Variants in NOTCH2NLA observed in about 807,000 individuals in gnomAD.
The protein encoded by NOTCH2NLA is notch homolog 2 N-terminal-like protein A.
At chr1:146,158,042 G>A (rs1553803258) in intron 3 of NOTCH2NLA, among the ~76,000 whole-genome samples, 1 of 144,968 alleles carries the variant, frequency 6.9e-6, no homozygotes, top group African/African-American at 2.5e-5. Flanking sequence ...GAGGCAGAAA[G>A]AGAAAGAGAA....
intron 1 of NOTCH2NLA, chr1:146,228,359 C>T (rs1664309104): frequency 1.0e-6 from 1 of 981,992 alleles, no homozygotes; most frequent in Admixed American, 6.2e-5. Flanking sequence ...AACGCGGAAC[C>T]TGAAGGGCAA....
At chr1:146,155,330 AAATG>A (rs1216665233), downstream of NOTCH2NLA, 4 of 19,470 alleles carry the variant, frequency 2.1e-4, no homozygotes, top group African/African-American at 3.9e-4. Context: ...TTACCAAATG[AAATG>A]AATAAATTAC....
At chr1:146,228,723 G>A (rs782724090) in exon 1 of NOTCH2NLA, 7 of 1,558,752 alleles carry the variant, frequency 4.5e-6, no homozygotes, top group Non-Finnish European at 6.0e-6. Flanking sequence ...CGCGGGGGTC[G>A]CGCAGCACAG....
intron 3 of NOTCH2NLA, among the ~76,000 whole-genome samples, chr1:146,162,425 T>C (rs1460547948): frequency 1.4e-5 from 2 of 146,330 alleles, no homozygotes; most frequent in African/African-American, 2.6e-5. Context: ...CTTGATTGAA[T>C]TGAAGGATAC....
chr1:146,228,836 T>C lies in NOTCH2NLA; in HGVS notation c.-172A>G. 6.6e-7 allele frequency: 1 copy of C among 1,515,804 alleles called. No homozygotes were observed. Among genetic ancestry groups the C allele is most frequent in the Non-Finnish European group, 8.8e-7 (1 of 1,140,914 alleles). 93.9% of individuals were successfully genotyped at this position (1,515,804 alleles called of 1,614,324 possible). On this transcript the variant is annotated 5_prime_UTR_variant, in exon 1 of 5. An upstream start codon of the reference 5' UTR is lost. Coordinates refer to ENST00000362074, the Ensembl canonical transcript of NOTCH2NLA. ...CCGCGGCCGCCTGGGCAGATCCACA[T>C]GGGGAGGGGGTCCCGATAGAGGAGC...
chr1:146,204,023 GT>G (rs1663495443), intron 1 of NOTCH2NLA, among the ~76,000 whole-genome samples: 2 of 151,466 alleles, frequency 1.3e-5, no homozygotes, highest in African/African-American at 4.9e-5. Flanking sequence ...TTAAAATAAA[GT>G]TTTAAACTAT....
downstream of NOTCH2NLA, among the ~76,000 whole-genome samples, chr1:146,151,317 C>CAAAAAAAAAA (rs1159670389): frequency 1.3e-4 from 2 of 15,900 alleles, no homozygotes; most frequent in South Asian, 2.5e-3. Context: ...TGCTCCGTCT[C>CAAAAAAAAAA]AAAAAAAAAA....
intron 3 of NOTCH2NLA, among the ~76,000 whole-genome samples, chr1:146,159,379 AAGAGAGAAAG>A (rs1170343643): frequency 4.9e-5 from 7 of 142,220 alleles, no homozygotes; most frequent in African/African-American, 1.0e-4. Flanking sequence ...AAGAGAGAGG[AAGAGAGAAAG>A]AGAGAGAAAG....
chr1:146,185,599 C>G (rs1158975497), intron 2 of NOTCH2NLA, among the ~76,000 whole-genome samples: 2 of 134,144 alleles, frequency 1.5e-5, no homozygotes, highest in African/African-American at 5.0e-5. Context: ...TCAATGTGAT[C>G]TTATCAAGGA....
At chr1:146,180,837 AC>A (rs1662514889) in intron 2 of NOTCH2NLA, among the ~76,000 whole-genome samples, 1 of 119,854 alleles carries the variant, frequency 8.3e-6, no homozygotes, top group Admixed American at 9.0e-5. Context: ...TTAGATGATT[AC>A]TTTTTCTCAT....
intron 1 of NOTCH2NLA, among the ~76,000 whole-genome samples, chr1:146,224,206 A>C (rs1571348400): frequency 1.7e-5 from 2 of 121,188 alleles, no homozygotes. Context: ...ATCTCAAAAA[A>C]AATTATCAAA....
At chr1:146,174,399 G>GCT in intron 2 of NOTCH2NLA, among the ~76,000 whole-genome samples, 1 of 45,354 alleles carries the variant, frequency 2.2e-5, no homozygotes, top group East Asian at 6.7e-4. Context: ...TCTGTCTTTA[G>GCT]CTTTTTTTTT....
chr1:146,220,058 C>T (rs1225373601), intron 1 of NOTCH2NLA, among the ~76,000 whole-genome samples: 2 of 28,504 alleles, frequency 7.0e-5, no homozygotes, highest in Admixed American at 5.1e-4. Flanking sequence ...GTAAACATAA[C>T]GAATAATTCT....
At chr1:146,187,493 T>G (rs1662840347) in intron 2 of NOTCH2NLA, among the ~76,000 whole-genome samples, 1 of 135,834 alleles carries the variant, frequency 7.4e-6, no homozygotes, top group Non-Finnish European at 1.7e-5. Context: ...TCTTCTTATT[T>G]AACATAAATA....
At chr1:146,207,777 A>G (rs1458671963) in intron 1 of NOTCH2NLA, among the ~76,000 whole-genome samples, 1 of 95,016 alleles carries the variant, frequency 1.1e-5, no homozygotes, top group African/African-American at 3.6e-5. Flanking sequence ...TGCAGTAAAG[A>G]ATGTGGCTTT....
chr1:146,223,041 AAAC>A (rs1264525151), intron 1 of NOTCH2NLA, among the ~76,000 whole-genome samples: 1 of 952 alleles, frequency 1.1e-3, no homozygotes, highest in African/African-American at 6.0e-3. Flanking sequence ...TACTCTCAAA[AAAC>A]AAACAAACAA....
exon 1 of NOTCH2NLA, chr1:146,228,946 C>G (rs1553820613): frequency 4.1e-6 from 6 of 1,447,838 alleles, no homozygotes; most frequent in Admixed American, 2.8e-5. Context: ...CCTCGACTCC[C>G]CGCGCCCCGA....
chr1:146,179,745 C>T (rs1464166343), intron 2 of NOTCH2NLA, among the ~76,000 whole-genome samples: 2 of 113,278 alleles, frequency 1.8e-5, no homozygotes, highest in South Asian at 2.7e-4. Context: ...CACCAAAAGT[C>T]CTCTGATTTT....
intron 2 of NOTCH2NLA, among the ~76,000 whole-genome samples, chr1:146,180,389 C>G (rs1662487633): frequency 1.4e-5 from 2 of 141,888 alleles, no homozygotes; most frequent in Admixed American, 1.4e-4. Flanking sequence ...TTTCATAAAA[C>G]TCTTTTCATA....
Sources: allele counts gnomAD v4.1 joint callset (sites outside exome capture counted in the v4.1 genomes callset), GRCh38; gene constraint gnomAD v4.1.1; transcripts MANE v1.5; gene names NCBI Gene and HGNC (gene_info 2026-07-23, HGNC 2026-07-21).